Variants in COL9A3 observed in about 807,000 individuals in gnomAD.
COL9A3 encodes the protein collagen type IX alpha 3 chain.
Under a neutral mutation model 110.2 loss-of-function variants are expected in COL9A3, and 82 were observed. The observed-to-expected ratio is 0.74, with a 90% confidence interval of 0.62 to 0.89. The LOEUF (loss-of-function observed/expected upper bound fraction) is 0.89, where lower values mean the gene tolerates loss of function less well. Among genes scored for constraint, COL9A3 ranks in the 40% least tolerant of loss-of-function variants. COL9A3 has a pLI of 0.00. For synonymous variants in COL9A3, 494 were observed against 403.8 expected (o/e 1.22, Z -2.68); for missense variants, 1,066 against 981.3 (o/e 1.09, Z -1.15).
At position 62,836,605 on chromosome 20, in the gene COL9A3, G is replaced by A. The variant is rs955547125; in HGVS notation, c.1603+73G>A. On this transcript the variant is annotated intron_variant, in intron 29 of 31. Transcript: ENST00000649368. ...GGGGTCCCGTGCCTGGGGCTACACA[G>A]AAAGCCTTCGTGCCACTGCTTTCCA... The A allele has an allele frequency of 1.3e-5, 19 of 1,465,238 alleles. No homozygotes were observed. In the Admixed American group the frequency reaches 2.8e-4, roughly 22 times the overall value. The allele number at this position is 1,465,238 out of a possible 1,614,324, so 90.8% of individuals were successfully genotyped here.
chr20:62,826,423 G>T (rs6011404), intron 14 of COL9A3, among the ~76,000 whole-genome samples, 166 bp downstream of exon 14: 1 of 152,128 alleles, frequency 6.6e-6, no homozygotes, highest in Non-Finnish European at 1.5e-5. Context: ...CCCTGTTCTC[G>T]CATGTGCCTG....
At chr20:62,836,008 C>T (rs2063631981) in intron 27 of COL9A3, 55 bp downstream of exon 27, 6 of 1,613,148 alleles carry the variant, frequency 3.7e-6, no homozygotes, top group African/African-American at 2.7e-5. Flanking sequence ...TGCTGGCTTC[C>T]TGCCCACCTC....
At chr20:62,831,673 T>C (rs1351539535) in intron 24 of COL9A3, 2 of 182,016 alleles carry the variant, frequency 1.1e-5, no homozygotes, top group Admixed American at 1.1e-4. Flanking sequence ...AATTTCCCTT[T>C]CACTTTAAAC....
At chr20:62,835,451 C>CTCTTAATAGCACCTCTTATAGCACCTTAT (rs2063627728) in intron 26 of COL9A3, among the ~76,000 whole-genome samples, 1 of 152,222 alleles carries the variant, frequency 6.6e-6, no homozygotes, top group South Asian at 2.1e-4. Flanking sequence ...GCTCTCAAAC[C>CTCTTAATAGCACCTCTTATAGCACCTTAT]TAATCACCTC....
At position 62,837,190 on chromosome 20, in the gene COL9A3, A is replaced by G; in HGVS notation, c.1711A>G (p.Ile571Val). Reference sequence around the variant, plus strand: ...TGGGCCCCCAGGACCCCCAGGCTCCATTGGTCACCCTGGCGCTCGAGGACC... The same window carrying G: ...TGGGCCCCCAGGACCCCCAGGCTCCGTTGGTCACCCTGGCGCTCGAGGACC... Reference protein sequence around the residue: ...PPGPPGPPGSIGHPGARGPPG... With the variant: ...PPGPPGPPGSVGHPGARGPPG... Residue 571 changes from isoleucine (I) to valine (V), a missense_variant, in exon 30 of 32, where the codon ATT becomes GTT. By Grantham distance (29) the Ile-to-Val change is conservative. Transcript: ENST00000649368. 1 of 1,612,638 alleles carries G rather than the reference A, an allele frequency of 6.2e-7. No homozygotes were observed. Among genetic ancestry groups the G allele is most frequent in the Non-Finnish European group, 8.5e-7 (1 of 1,179,736 alleles).
chr20:62,817,098 C>A lies in COL9A3; in HGVS notation c.34C>A (p.Leu12Ile). The A allele has an allele frequency of 7.1e-7, 1 of 1,403,976 alleles. No individual in the cohort carries two copies. Among genetic ancestry groups the A allele is most frequent in the Non-Finnish European group, 9.3e-7 (1 of 1,073,978 alleles). The allele number at this position is 1,403,976 out of a possible 1,614,324, so 87.0% of individuals were successfully genotyped here. Residue 12 changes from leucine (L) to isoleucine (I), a missense_variant, in exon 1 of 32, where the codon CTC (leucine) becomes ATC (isoleucine). Physicochemically the swap from Leu to Ile is conservative, Grantham distance 5. Coordinates refer to ENST00000649368, the MANE Select transcript of COL9A3 (RefSeq NM_001853.4). ...GCCGCGCGCGTGCGCCCCGCTCCTG[C>A]TCCTGCTCCTGCTCGGGGAGCTTCT... The part of the protein sequence containing the change: ...AGPRACAPLL[L>I]LLLLGELLAA...
chr20:62,819,375 C>T, intron 4 of COL9A3, 82 bp downstream of exon 4: 1 of 1,350,972 alleles, frequency 7.4e-7, no homozygotes, highest in Non-Finnish European at 1.0e-6. Context: ...TGCTGTTGTC[C>T]AGCTGGGCCT....
intron 7 of COL9A3, 91 bp from the exon 8 acceptor site, chr20:62,821,666 C>G: frequency 6.5e-7 from 1 of 1,546,738 alleles, no homozygotes; most frequent in South Asian, 1.1e-5. Context: ...CTTGGAGCCC[C>G]TCTCCCTTCG....
chr20:62,821,153 AACCTAG>A (rs1436529587), intron 5 of COL9A3, 22 bp from the exon 6 acceptor site: 44 of 1,611,672 alleles, frequency 2.7e-5, no homozygotes, highest in Non-Finnish European at 3.7e-5. Context: ...GGCCCAGCCC[AACCTAG>A]ACGCCTGCTT....
chr20:62,828,322 G>A (rs560501635), intron 17 of COL9A3, among the ~76,000 whole-genome samples: 1 of 152,226 alleles, frequency 6.6e-6, no homozygotes, highest in African/African-American at 2.4e-5. Flanking sequence ...CCAGACCTGA[G>A]CTCCCTTCTA....
At chr20:62,825,937 C>T (rs767906855) in intron 13 of COL9A3, 67 bp downstream of exon 13, 195 of 1,493,118 alleles carry the variant, frequency 1.3e-4, no homozygotes, top group African/African-American at 3.1e-4. Flanking sequence ...AAGCCCTGCA[C>T]ATATCTACCC....
chr20:62,837,279 C>A lies in COL9A3; in HGVS notation c.1786+14C>A. On this transcript the variant is annotated intron_variant, in intron 30 of 31. Coordinates refer to ENST00000649368, the MANE Select transcript of COL9A3 (RefSeq NM_001853.4). ...CCGGGCCCAGAGGTGAGTGTTTGAC[C>A]CCATGACACGGTCACCCTGCTGTAA... 1 of 1,607,002 alleles carries A rather than the reference C, an allele frequency of 6.2e-7. No homozygotes were observed. Among genetic ancestry groups the A allele is most frequent in the Non-Finnish European group, 8.5e-7 (1 of 1,179,474 alleles).
At chr20:62,823,830 C>G (rs576836403) in intron 10 of COL9A3, among the ~76,000 whole-genome samples, 1 of 152,260 alleles carries the variant, frequency 6.6e-6, no homozygotes, top group Non-Finnish European at 1.5e-5. Flanking sequence ...CCTGCAGTGC[C>G]GGCCGGGACT....
chr20:62,825,199 G>A (rs1209017801), intron 12 of COL9A3, among the ~76,000 whole-genome samples, 178 bp downstream of exon 12: 1 of 150,646 alleles, frequency 6.6e-6, no homozygotes, highest in East Asian at 1.9e-4. Flanking sequence ...GGGCTCCGGC[G>A]GTGGGGAGGG....
At chr20:62,835,701 C>T (rs1464181109) in intron 26 of COL9A3, among the ~76,000 whole-genome samples, 1 of 152,190 alleles carries the variant, frequency 6.6e-6, no homozygotes, top group Non-Finnish European at 1.5e-5. Context: ...AACAAAGTCA[C>T]TCTTCCCAGG....
chr20:62,821,802 G>C lies in COL9A3; in HGVS notation c.415G>C (p.Gly139Arg), dbSNP rs551439892. ...SGPPGGIGLR[G>R]PPGPSGLPGL... ...CCCCCCAGGTGGGATCGGCCTCCGC[G>C]GCCCCCCGGTGAGTGGCTGTCCCAG... The change falls in exon 8 of 32, where the codon GGC becomes CGC. Residue 139 changes from glycine to arginine, a missense_variant. Coordinates refer to ENST00000649368, the MANE Select transcript of COL9A3 (RefSeq NM_001853.4). The C allele has an allele frequency of 1.2e-6, 2 of 1,603,980 alleles. No homozygotes were observed. The highest frequency in any genetic ancestry group is 1.1e-5 in the South Asian group (1 of 90,316).
intron 10 of COL9A3, among the ~76,000 whole-genome samples, chr20:62,822,834 C>T (rs2063522196): frequency 8.9e-6 from 1 of 112,680 alleles, no homozygotes; most frequent in African/African-American, 3.5e-5. Context: ...TTCCCACCCT[C>T]CTCACCACCG....
intron 18 of COL9A3, 38 bp from the exon 19 acceptor site, chr20:62,828,885 C>T: frequency 6.2e-7 from 1 of 1,612,452 alleles, no homozygotes; most frequent in Non-Finnish European, 8.5e-7. Context: ...CCCGAGGCCT[C>T]AGCCTCCCCT....
At position 62,838,264 on chromosome 20, in the gene COL9A3, G is replaced by A. The variant is rs137866686; in HGVS notation, c.1787-420G>A. Among the ~76,000 whole-genome samples the A allele has an allele frequency of 4.4e-3, 667 of 152,288 alleles. 4 individuals are homozygous for A. The highest frequency in any genetic ancestry group is 7.7e-3 in the Non-Finnish European group (524 of 68,028). ...CATCTGAGTTCACTTACGCAAGCCC[G>A]GCCTCCTGCACCCCTGGGCCGTGTG... is the stretch of plus-strand genomic sequence containing the variant. On this transcript the variant is annotated intron_variant, in intron 30 of 31. Transcript: ENST00000649368.
Sources: gnomAD v4.1 joint callset for allele counts (sites outside exome capture counted in the v4.1 genomes callset) on GRCh38, gnomAD v4.1.1 for gene constraint, MANE v1.5 for transcripts, NCBI Gene and HGNC (gene_info 2026-07-23, HGNC 2026-07-21) for gene names.